UNC5D: variants seen among roughly 807,000 people sequenced by gnomAD.
UNC5D encodes netrin receptor UNC5D.
In UNC5D, 39 loss-of-function variants were observed where a neutral mutation model predicts 105.4. The observed-to-expected ratio is 0.37, with a 90% CI of 0.29 to 0.48. UNC5D has a LOEUF of 0.48. Among genes scored for constraint, UNC5D ranks in the 20% least tolerant of loss-of-function variants. The probability of loss-of-function intolerance (pLI) is 0.98; values close to 1 mark genes in which losing one functional copy is unlikely to be tolerated. For missense variants in UNC5D, 991 were observed against 1,202.4 expected, an observed-to-expected ratio of 0.82 and a Z score of 2.60; for synonymous variants, 452 against 450.4, an observed-to-expected ratio of 1.00 and a Z score of -0.04.
chr8:35,711,368 C>T (rs1020450168), intron 8 of UNC5D, among the ~76,000 whole-genome samples: 15 of 151,904 alleles, frequency 9.9e-5, no homozygotes, highest in Non-Finnish European at 1.8e-4. Flanking sequence ...TTAATAAAGA[C>T]GGGGTTTCAC....
intron 4 of UNC5D, among the ~76,000 whole-genome samples, chr8:35,641,559 A>T (rs1440819723): frequency 6.6e-6 from 1 of 152,046 alleles, no homozygotes; most frequent in Non-Finnish European, 1.5e-5. Context: ...ATTGAGTCAT[A>T]TTCTACAATT....
At chr8:35,496,790 C>T (rs1412343334) in intron 1 of UNC5D, among the ~76,000 whole-genome samples, 2 of 152,156 alleles carry the variant, frequency 1.3e-5, no homozygotes, top group African/African-American at 4.8e-5. Flanking sequence ...AGCTACTCCC[C>T]ATTACCATCC....
intron 13 of UNC5D, among the ~76,000 whole-genome samples, chr8:35,754,912 C>T (rs1375703076): frequency 2.0e-5 from 3 of 152,092 alleles, no homozygotes; most frequent in African/African-American, 7.2e-5. Context: ...ATTAAATCTG[C>T]TATGTTTTTC....
chr8:35,361,480 A>C (rs1012416350), intron 1 of UNC5D, among the ~76,000 whole-genome samples: 1 of 152,176 alleles, frequency 6.6e-6, no homozygotes, highest in African/African-American at 2.4e-5. Flanking sequence ...TCATTCGTCT[A>C]AGTGTCTTAT....
At chr8:35,544,092 C>T (rs547028775) in intron 1 of UNC5D, among the ~76,000 whole-genome samples, 1 of 152,304 alleles carries the variant, frequency 6.6e-6, no homozygotes, top group East Asian at 1.9e-4. Context: ...TAAAGCATCT[C>T]CTCAGATGCA....
At chr8:35,786,569 A>G (rs1802752595) in intron 16 of UNC5D, among the ~76,000 whole-genome samples, 1 of 152,168 alleles carries the variant, frequency 6.6e-6, no homozygotes, top group Non-Finnish European at 1.5e-5. Context: ...CCTAGTTTGT[A>G]TGCCTCTCTA....
At chr8:35,299,049 G>A (rs1328925189) in intron 1 of UNC5D, among the ~76,000 whole-genome samples, 2 of 152,150 alleles carry the variant, frequency 1.3e-5, no homozygotes, top group Non-Finnish European at 2.9e-5. Flanking sequence ...AGATATGCCT[G>A]GTGCTGATAA....
intron 1 of UNC5D, among the ~76,000 whole-genome samples, chr8:35,484,941 C>G (rs953347): frequency 0.17 from 26,520 of 152,032 alleles, 3,054 homozygotes; most frequent in African/African-American, 0.3. Context: ...ATTTCTAACT[C>G]CAGTTCTCAA....
At chr8:35,691,367 G>T (rs913333544) in intron 7 of UNC5D, among the ~76,000 whole-genome samples, 1 of 152,100 alleles carries the variant, frequency 6.6e-6, no homozygotes, top group East Asian at 1.9e-4. Context: ...CATGCCTGTA[G>T]TCCCAGCTAT....
At chr8:35,592,458 T>C (rs1734658218) in intron 3 of UNC5D, among the ~76,000 whole-genome samples, 1 of 152,190 alleles carries the variant, frequency 6.6e-6, no homozygotes, top group Non-Finnish European at 1.5e-5. Context: ...TTGGAGCTCA[T>C]ATAGGTGATT....
At chr8:35,728,124 A>G (rs1248815699) in intron 10 of UNC5D, among the ~76,000 whole-genome samples, 1 of 148,722 alleles carries the variant, frequency 6.7e-6, no homozygotes, top group Non-Finnish European at 1.5e-5. Context: ...CATAAAAACA[A>G]AAATACAGAA....
At chr8:35,365,116 A>G (rs1802040476) in intron 1 of UNC5D, among the ~76,000 whole-genome samples, 1 of 152,154 alleles carries the variant, frequency 6.6e-6, no homozygotes, top group Admixed American at 6.6e-5. Context: ...AGTCAGATAT[A>G]CATGAGAAGT....
At chr8:35,476,627 G>A (rs958373119) in intron 1 of UNC5D, among the ~76,000 whole-genome samples, 4 of 152,006 alleles carry the variant, frequency 2.6e-5, no homozygotes, top group South Asian at 2.1e-4. Context: ...TCTTCCCTTC[G>A]TTTATTTCAG....
intron 1 of UNC5D, among the ~76,000 whole-genome samples, chr8:35,480,011 T>C (rs1810371926): frequency 1.3e-5 from 2 of 152,322 alleles, no homozygotes; most frequent in South Asian, 4.1e-4. Context: ...CTTACTTCTA[T>C]TGTGTGTTTC....
chr8:35,569,453 G>A (rs1330199801), intron 3 of UNC5D, among the ~76,000 whole-genome samples: 5 of 152,318 alleles, frequency 3.3e-5, no homozygotes, highest in Middle Eastern at 3.4e-3. Context: ...TATTTGCAGA[G>A]ACATTTATGT....
In UNC5D at chr8:35,265,730, C is replaced by A. The variant is rs191568379; in HGVS notation, c.103+29843C>A. On this transcript the variant is annotated intron_variant, in intron 1 of 16. Coordinates refer to ENST00000404895, the MANE Select transcript of UNC5D (RefSeq NM_080872.4). ...CTAAAAATACAAAAAATTAGCCGGG[C>A]ATGGTGGCAGGCGCCTGTAGTCCCA... is the stretch of plus-strand genomic sequence containing the variant. Among the ~76,000 whole-genome samples the A allele has an allele frequency of 3.3e-5, 5 of 151,958 alleles. No individual in the cohort carries two copies. In the East Asian group the frequency reaches 5.8e-4, roughly 18 times the overall value.
chr8:35,371,498 A>G lies in UNC5D; in HGVS notation c.103+135611A>G, dbSNP rs79503704. 6.5e-3 allele frequency among the ~76,000 whole-genome samples: 984 copies of G among 152,286 alleles called. 8 individuals are homozygous for G. The highest frequency in any genetic ancestry group is 0.037 in the South Asian group (178 of 4,814). On this transcript the variant is annotated intron_variant, in intron 1 of 16. Transcript: ENST00000404895. ...GATGTTAGAGACATGCAAAACTCAT[A>G]GAGAATTATGACTAGATATCAAGCC...
At chr8:35,631,547 T>A (rs1822045845) in intron 4 of UNC5D, among the ~76,000 whole-genome samples, 2 of 152,196 alleles carry the variant, frequency 1.3e-5, no homozygotes, top group Non-Finnish European at 2.9e-5. Flanking sequence ...CTTATTTGTC[T>A]TTGTCACCAC....
chr8:35,424,677 G>A (rs893839903), intron 1 of UNC5D, among the ~76,000 whole-genome samples: 2 of 152,302 alleles, frequency 1.3e-5, no homozygotes, highest in South Asian at 2.1e-4. Context: ...TGGAGGTGAC[G>A]CAGATTCAGC....
Sources: gnomAD v4.1 joint callset for allele counts (sites outside exome capture counted in the v4.1 genomes callset) on GRCh38, gnomAD v4.1.1 for gene constraint, MANE v1.5 for transcripts, NCBI Gene and HGNC (gene_info 2026-07-23, HGNC 2026-07-21) for gene names.